The following FGF14 variants were observed in gnomAD, a reference collection of about 807,000 sequenced individuals.
FGF14 encodes the protein fibroblast growth factor 14.
A neutral mutation model predicts 25.5 loss-of-function variants in FGF14; 5 were observed. The observed-to-expected ratio is 0.20, with a 90% CI of 0.10 to 0.41. FGF14 has a LOEUF of 0.41. Ranked by LOEUF, FGF14 falls within the 10% of genes least tolerant of loss-of-function variation. FGF14 has a pLI of 1.00. For missense variants in FGF14, 222 were observed against 320.1 expected (o/e 0.69, Z 2.34); for synonymous variants, 138 against 118.3 (o/e 1.17, Z -1.08).
intron 1 of FGF14, among the ~76,000 whole-genome samples, chr13:102,312,937 G>C (rs1265239131): frequency 6.6e-6 from 1 of 152,186 alleles, no homozygotes; most frequent in Non-Finnish European, 1.5e-5. Context: ...CAGGGGCTGT[G>C]TGAAAAGTCA....
intron 1 of FGF14, among the ~76,000 whole-genome samples, chr13:102,332,277 GA>G (rs1256907390): frequency 6.6e-6 from 1 of 151,726 alleles, no homozygotes; most frequent in Non-Finnish European, 1.5e-5. Flanking sequence ...TAAAACATTT[GA>G]AAAAAGAGTA....
intron 1 of FGF14, among the ~76,000 whole-genome samples, chr13:102,370,798 G>A (rs890598821): frequency 2.0e-5 from 3 of 151,888 alleles, no homozygotes; most frequent in African/African-American, 7.3e-5. Context: ...TTCTTAAATT[G>A]AACAAGAATG....
chr13:102,063,827 G>A (rs1309014260), intron 1 of FGF14, among the ~76,000 whole-genome samples: 1 of 152,000 alleles, frequency 6.6e-6, no homozygotes, highest in African/African-American at 2.4e-5. Flanking sequence ...TTCCCTAAAA[G>A]CAAGAGAATC....
At chr13:101,778,269 C>T (rs1257841180) in intron 3 of FGF14, among the ~76,000 whole-genome samples, 1 of 152,204 alleles carries the variant, frequency 6.6e-6, no homozygotes, top group African/African-American at 2.4e-5. Context: ...ACATTCTTCT[C>T]ATCTAAAGAT....
chr13:102,182,664 T>C (rs1346108353), intron 1 of FGF14, among the ~76,000 whole-genome samples: 1 of 152,188 alleles, frequency 6.6e-6, no homozygotes, highest in Non-Finnish European at 1.5e-5. Context: ...TATTTGGTTC[T>C]TTACAAAATT....
rs896779210 is a variant in FGF14, at chr13:102,290,452, G to C, written c.208+111019C>G. Among the ~76,000 whole-genome samples, 3 of 152,132 alleles carry C rather than the reference G, an allele frequency of 2.0e-5. No individual in the cohort carries two copies. The East Asian group carries it at 5.8e-4, about 29-fold the overall frequency. On this transcript the variant is annotated intron_variant, in intron 1 of 4. Coordinates refer to the FGF14 transcript ENST00000376131. ...TTTTATAGCAGCCTGAGCAGACTAA[G>C]ACAAATGGTAATAAGCCACACAGCA... is the stretch of plus-strand genomic sequence containing the variant.
At chr13:102,067,076 C>A (rs2042934452) in intron 1 of FGF14, among the ~76,000 whole-genome samples, 1 of 152,194 alleles carries the variant, frequency 6.6e-6, no homozygotes, top group African/African-American at 2.4e-5. Flanking sequence ...GTTTCTGGAG[C>A]ATAGCAGGGC....
rs895361966 is a variant in FGF14, at chr13:101,718,795, A to C, written c.*4036T>G. 4 of 151,626 alleles carry C rather than the reference A, an allele frequency of 2.6e-5. No individual in the cohort carries two copies. Among genetic ancestry groups the C allele is most frequent in the Admixed American group, 6.6e-5 (1 of 15,186 alleles). The allele number at this position is 151,626 out of a possible 1,614,324, so 9.4% of individuals were successfully genotyped here. A position where few individuals can be genotyped will look rare whatever the true frequency, so the allele number is the denominator to read the frequency against. ...GTGAAAACCAGGAAAAAAAAAAAAA[A>C]CTAAAATATAACTCAGCCTTAGTTT... is the stretch of plus-strand genomic sequence containing the variant. On this transcript the variant is annotated 3_prime_UTR_variant, in exon 5 of 5. Transcript: ENST00000376143.
At chr13:102,009,249 A>G (rs1264153926) in intron 1 of FGF14, among the ~76,000 whole-genome samples, 6 of 152,166 alleles carry the variant, frequency 3.9e-5, no homozygotes, top group African/African-American at 1.4e-4. Context: ...GTAATACACT[A>G]TAAACTTCTT....
chr13:101,955,217 C>T (rs1457378666), intron 1 of FGF14, among the ~76,000 whole-genome samples: 1 of 152,186 alleles, frequency 6.6e-6, no homozygotes, highest in Admixed American at 6.5e-5. Flanking sequence ...TAGCAATACA[C>T]CAAAGTTGTT....
At chr13:102,152,756 A>C (rs2047144501) in intron 1 of FGF14, among the ~76,000 whole-genome samples, 1 of 152,222 alleles carries the variant, frequency 6.6e-6, no homozygotes, top group South Asian at 2.1e-4. Context: ...TACATGTTAA[A>C]AAATATATCT....
At chr13:102,074,072 G>C (rs1290321015) in intron 1 of FGF14, among the ~76,000 whole-genome samples, 2 of 152,156 alleles carry the variant, frequency 1.3e-5, no homozygotes, top group Non-Finnish European at 2.9e-5. Flanking sequence ...GAGTACAGTG[G>C]TGTATTCATG....
At chr13:101,857,570 C>G (rs1172506828) in intron 3 of FGF14, among the ~76,000 whole-genome samples, 6 of 152,014 alleles carry the variant, frequency 3.9e-5, no homozygotes, top group Non-Finnish European at 5.9e-5. Flanking sequence ...CACCAACAAC[C>G]AACATTTAGT....
At chr13:101,787,889 G>T (rs1594247478) in intron 3 of FGF14, among the ~76,000 whole-genome samples, 1 of 152,162 alleles carries the variant, frequency 6.6e-6, no homozygotes, top group African/African-American at 2.4e-5. Context: ...TATTTATTTT[G>T]AGACAGAGTT....
chr13:102,278,649 TACACACACATAC>T (rs1356567438), intron 1 of FGF14, among the ~76,000 whole-genome samples: 6 of 149,200 alleles, frequency 4.0e-5, no homozygotes, highest in South Asian at 2.1e-4. Flanking sequence ...TATATATACA[TACACACACATAC>T]ACACACACAT....
chr13:102,144,717 A>G (rs2140472555), intron 1 of FGF14, among the ~76,000 whole-genome samples: 1 of 152,266 alleles, frequency 6.6e-6, no homozygotes, highest in Non-Finnish European at 1.5e-5. Context: ...TTTCCTTGCA[A>G]TATTCTTGAA....
At chr13:102,167,913 A>C (rs543423014) in intron 1 of FGF14, among the ~76,000 whole-genome samples, 1 of 152,094 alleles carries the variant, frequency 6.6e-6, no homozygotes, top group South Asian at 2.1e-4. Flanking sequence ...AAAACAAATA[A>C]AGAGCCAGGT....
At chr13:101,831,326 C>T (rs1265582449) in intron 3 of FGF14, among the ~76,000 whole-genome samples, 1 of 151,940 alleles carries the variant, frequency 6.6e-6, no homozygotes, top group African/African-American at 2.4e-5. Context: ...AAACAATCCT[C>T]CCACCTTGGC....
At position 102,265,399 on chromosome 13, in the gene FGF14, G is replaced by C. The variant is rs532151695; in HGVS notation, c.208+136072C>G. 2.0e-5 allele frequency among the ~76,000 whole-genome samples: 3 copies of C among 152,144 alleles called. No homozygotes were observed. In the South Asian group the frequency reaches 6.2e-4, roughly 32 times the overall value. ...GGACACACTGATATGCACTGTTGTC[G>C]ATCTCCATCAGACTTGGTGAAAAAT... On this transcript the variant is annotated intron_variant, in intron 1 of 4. Coordinates refer to the FGF14 transcript ENST00000376131.
Sources: allele counts gnomAD v4.1 joint callset (sites outside exome capture counted in the v4.1 genomes callset), GRCh38; gene constraint gnomAD v4.1.1; transcripts MANE v1.5; gene names NCBI Gene and HGNC (gene_info 2026-07-23, HGNC 2026-07-21).